The following PAG1 variants were observed in gnomAD, a reference collection of about 807,000 sequenced individuals.
The protein encoded by PAG1 is phosphoprotein associated with glycosphingolipid-enriched microdomains 1.
A neutral mutation model predicts 31.7 loss-of-function variants in PAG1; 23 were observed. That is an observed-to-expected ratio of 0.73 (90% CI 0.52 to 1.03). The LOEUF (loss-of-function observed/expected upper bound fraction) is 1.03. PAG1 is among the 50% of genes least tolerant of loss of function. The pLI is 0.00. For synonymous variants in PAG1, 214 were observed against 210.3 expected (o/e 1.02, Z -0.15); for missense variants, 473 against 540.7 (o/e 0.87, Z 1.24).
rs1227246226 is a variant in PAG1 at position 80,976,704 on chromosome 8, C to T, written c.1139G>A (p.Ser380Asn). 2.5e-6 allele frequency: 4 copies of T among 1,614,192 alleles called. No individual in the cohort carries two copies. Among genetic ancestry groups the T allele is most frequent in the Non-Finnish European group, 3.4e-6 (4 of 1,180,022 alleles). ...NSTLPPAGRP[S>N]EEPEPDYEAI... ...TTCATAATCAGGCTCTGGCTCCTCG[C>T]TGGGCCTCCCTGCTGGTGGAAGTGT... The change falls in exon 9 of 9, where the codon AGC becomes AAC. Residue 380 changes from serine to asparagine, a missense_variant. By Grantham distance (46) the Ser-to-Asn change is conservative. Transcript: ENST00000220597.
At chr8:81,073,599 C>T (rs1586203235) in intron 1 of PAG1, among the ~76,000 whole-genome samples, 2 of 152,256 alleles carry the variant, frequency 1.3e-5, no homozygotes, top group South Asian at 4.2e-4. Flanking sequence ...TGATTCTGTC[C>T]AAACACAATC....
intron 2 of PAG1, among the ~76,000 whole-genome samples, chr8:81,032,561 G>T (rs1048561761): frequency 2.6e-5 from 4 of 152,116 alleles, no homozygotes; most frequent in Non-Finnish European, 5.9e-5. Context: ...TAATAAACAC[G>T]TCTAAGCTAA....
chr8:81,048,297 TTTCC>T (rs1423484579), intron 2 of PAG1, among the ~76,000 whole-genome samples: 1 of 152,208 alleles, frequency 6.6e-6, no homozygotes, highest in East Asian at 1.9e-4. Flanking sequence ...AGAATGCTTT[TTTCC>T]CTACACATTT....
At chr8:81,071,922 C>G (rs988895774) in intron 1 of PAG1, among the ~76,000 whole-genome samples, 8 of 152,196 alleles carry the variant, frequency 5.3e-5, no homozygotes. Context: ...CAGTGCCCAG[C>G]CTGTCCAGTG....
intron 2 of PAG1, among the ~76,000 whole-genome samples, chr8:81,054,063 T>C (rs980183092): frequency 2.0e-5 from 3 of 152,142 alleles, no homozygotes; most frequent in African/African-American, 7.2e-5. Flanking sequence ...CCAGAATGTA[T>C]TCAGCTTGCA....
chr8:80,991,490 G>T lies in PAG1; in HGVS notation c.166C>A (p.Leu56Met), dbSNP rs1281747414. Reference protein sequence around the residue: ...PRQHSGDHENLMNVPSDKEMF... With the variant: ...PRQHSGDHENMMNVPSDKEMF... ...ACGCGCAGGCTCACCACGTTCATCAGGTTCTCATGGTCCCCACTATGCTGT... is the reference window on the plus strand; with the variant it reads ...ACGCGCAGGCTCACCACGTTCATCATGTTCTCATGGTCCCCACTATGCTGT... Residue 56 changes from leucine (L) to methionine (M), a missense_variant, in exon 5 of 9, where the codon CTG becomes ATG. Transcript: ENST00000220597. The T allele has an allele frequency of 6.2e-7, 1 of 1,613,516 alleles. No individual in the cohort carries two copies. The highest frequency in any genetic ancestry group is 8.5e-7 in the Non-Finnish European group (1 of 1,179,418).
At chr8:81,087,237 G>A (rs969166533) in intron 1 of PAG1, among the ~76,000 whole-genome samples, 3 of 151,762 alleles carry the variant, frequency 2.0e-5, no homozygotes, top group Non-Finnish European at 4.4e-5. Flanking sequence ...CAGCTATTCT[G>A]GAGGCTGAGG....
chr8:81,084,639 GC>G (rs1162018656), intron 1 of PAG1, among the ~76,000 whole-genome samples: 1 of 152,080 alleles, frequency 6.6e-6, no homozygotes, highest in African/African-American at 2.4e-5. Flanking sequence ...TTATTTGAAG[GC>G]TTCTTTCTTT....
chr8:81,023,494 TA>T (rs1808222418), intron 3 of PAG1, among the ~76,000 whole-genome samples: 1 of 152,078 alleles, frequency 6.6e-6, no homozygotes, highest in Non-Finnish European at 1.5e-5. Flanking sequence ...TGAGACAAGA[TA>T]AAGCTTTAGG....
At chr8:81,059,805 C>T (rs542021569) in intron 2 of PAG1, among the ~76,000 whole-genome samples, 62 of 152,138 alleles carry the variant, frequency 4.1e-4, no homozygotes, top group Middle Eastern at 3.4e-3. Flanking sequence ...TACTTAAGGT[C>T]AGTAGTTCGA....
chr8:81,093,474 C>G (rs899803739), intron 1 of PAG1, among the ~76,000 whole-genome samples: 6 of 152,116 alleles, frequency 3.9e-5, no homozygotes, highest in African/African-American at 1.4e-4. Context: ...CTCCCTCATG[C>G]AAATCCATCA....
rs1486862118 is a variant in PAG1, at chr8:80,968,217, T to C, written c.*8327A>G. ...ACTTCAATTTATATAGCACCTTTCT[T>C]CCGAAGAGTTGAAAGCATTCGTGCT... On this transcript the variant is annotated 3_prime_UTR_variant, in exon 9 of 9. Coordinates refer to ENST00000220597, the MANE Select transcript of PAG1 (RefSeq NM_018440.4). 1.3e-5 allele frequency: 2 copies of C among 152,240 alleles called. No homozygotes were observed. Among genetic ancestry groups the C allele is most frequent in the African/African-American group, 4.8e-5 (2 of 41,470 alleles). 9.4% of individuals were successfully genotyped at this position (152,240 alleles called of 1,614,324 possible).
chr8:81,087,825 G>A (rs543567051), intron 1 of PAG1, among the ~76,000 whole-genome samples: 1 of 152,282 alleles, frequency 6.6e-6, no homozygotes, highest in East Asian at 1.9e-4. Flanking sequence ...GGCACCCTGC[G>A]CTGGGGCCAG....
chr8:81,035,368 C>G (rs1808445988), intron 2 of PAG1, among the ~76,000 whole-genome samples: 1 of 152,130 alleles, frequency 6.6e-6, no homozygotes, highest in Admixed American at 6.5e-5. Context: ...TCTTAGGATA[C>G]CAGAGCCTAC....
intron 1 of PAG1, among the ~76,000 whole-genome samples, chr8:81,106,696 A>C (rs1315065544): frequency 6.6e-6 from 1 of 152,210 alleles, no homozygotes; most frequent in Non-Finnish European, 1.5e-5. Context: ...CACCAGTATG[A>C]AATCGAGAAA....
intron 7 of PAG1, among the ~76,000 whole-genome samples, chr8:80,981,954 C>A (rs1011465375): frequency 2.7e-5 from 4 of 150,366 alleles, no homozygotes; most frequent in African/African-American, 7.4e-5. Context: ...CAGCCTTGAC[C>A]TCCCAGGCTC....
chr8:81,061,782 CT>C (rs1013096765), intron 2 of PAG1, among the ~76,000 whole-genome samples: 1 of 152,142 alleles, frequency 6.6e-6, no homozygotes, highest in African/African-American at 2.4e-5. Context: ...GTGAGAGTGT[CT>C]TATGGGGTTT....
Position 80,968,859 on chromosome 8 carries a change from T to C in PAG1, c.*7685A>G, listed in dbSNP as rs993921834. ...TACTCAAGAGACTCAGAGTGGCAGA[T>C]AGGGAATTGGGCCAACACATTTCTC... On this transcript the variant is annotated 3_prime_UTR_variant, in exon 9 of 9. Transcript: ENST00000220597. The C allele has an allele frequency of 4.6e-5, 7 of 152,268 alleles. No homozygotes were observed. Among genetic ancestry groups the C allele is most frequent in the African/African-American group, 1.7e-4 (7 of 41,546 alleles). The allele number at this position is 152,268 out of a possible 1,614,324, so 9.4% of individuals were successfully genotyped here.
At chr8:80,993,455 T>TG (rs879126166) in intron 3 of PAG1, 148 bp from the exon 4 acceptor site, 1 of 480,738 alleles carries the variant, frequency 2.1e-6, no homozygotes, top group South Asian at 3.9e-5. Flanking sequence ...GACTTGAAAT[T>TG]GGACTCTGGG....
Sources: allele counts gnomAD v4.1 joint callset (sites outside exome capture counted in the v4.1 genomes callset), GRCh38; gene constraint gnomAD v4.1.1; transcripts MANE v1.5; gene names NCBI Gene and HGNC (gene_info 2026-07-23, HGNC 2026-07-21).